Variants in SH2D3C observed in about 807,000 individuals in gnomAD.
SH2D3C encodes SH2 domain-containing protein 3C.
SH2D3C carries 25 observed loss-of-function variants against 75.2 expected under a neutral mutation model. That is an observed-to-expected ratio of 0.33 (90% CI 0.24 to 0.46). The LOEUF is 0.46. Among genes scored for constraint, SH2D3C ranks in the 20% least tolerant of loss-of-function variants. The pLI, the probability that SH2D3C is intolerant of heterozygous loss-of-function variation, is 1.00. For missense variants in SH2D3C, 933 were observed against 1,165.3 expected (o/e 0.80, Z 2.90); for synonymous variants, 450 against 473.7 (o/e 0.95, Z 0.65).
chr9:127,750,936 C>T (rs1326951870), intron 4 of SH2D3C, among the ~76,000 whole-genome samples: 1 of 152,232 alleles, frequency 6.6e-6, no homozygotes, highest in Non-Finnish European at 1.5e-5. Flanking sequence ...TGCATTATTT[C>T]GTTTAATTTT....
In SH2D3C at chr9:127,741,940, T is replaced by C; in HGVS notation, c.1936A>G (p.Met646Val). The change falls in exon 9 of 12, where the codon ATG becomes GTG. Residue 646 changes from methionine (M) to valine (V), a missense_variant. Physicochemically the swap from Met to Val is conservative, Grantham distance 21. Coordinates refer to ENST00000314830, the MANE Select transcript of SH2D3C (RefSeq NM_170600.3). ...CAGCCCAGGATGTCCACGGCCAGCATGATGGACATGGTGTGGAACCTGTCA... is the reference window on the plus strand; with the variant it reads ...CAGCCCAGGATGTCCACGGCCAGCACGATGGACATGGTGTGGAACCTGTCA... ...LLERFHTMSI[M>V]LAVDILGCTG... The C allele has an allele frequency of 6.2e-7, 1 of 1,612,504 alleles. No homozygotes were observed. The highest frequency in any genetic ancestry group is 8.5e-7 in the Non-Finnish European group (1 of 1,179,816).
rs758285550 is a variant in SH2D3C, at chr9:127,771,273, C to G, written c.515+2717G>C. 29 of 1,527,874 alleles carry G rather than the reference C, an allele frequency of 1.9e-5. No homozygotes were observed. The South Asian group carries it at 3.1e-4, about 16-fold the overall frequency. The allele number at this position is 1,527,874 out of a possible 1,614,324, so 94.6% of individuals were successfully genotyped here. ...GCCGGCAACCCGGGGACCTCCTAAA[C>G]CCAGCGGCTCCTGCCTTTCTCGGGC... On this transcript the variant is annotated intron_variant, in intron 2 of 11. Transcript: ENST00000314830.
chr9:127,760,947 C>G (rs1588515634), intron 3 of SH2D3C, among the ~76,000 whole-genome samples: 1 of 152,226 alleles, frequency 6.6e-6, no homozygotes, highest in Middle Eastern at 3.4e-3. Flanking sequence ...TCAAGCGATT[C>G]TCCTGCCTCA....
rs576563027 is a variant in SH2D3C, at chr9:127,773,905, G to A, written c.515+85C>T. The stretch of plus-strand genomic sequence containing the variant: ...TGCACTCCAGCCTGAGAGACAGAGC[G>A]ACACTCTGTGTCAAAAAAAAAAAAA... On this transcript the variant is annotated intron_variant, in intron 2 of 11. Coordinates refer to ENST00000314830, the MANE Select transcript of SH2D3C (RefSeq NM_170600.3). 2.9e-4 allele frequency: 231 copies of A among 785,574 alleles called. 2 individuals are homozygous for A. In the East Asian group the frequency reaches 5.7e-3, roughly 19 times the overall value. 48.7% of individuals were successfully genotyped at this position (785,574 alleles called of 1,614,324 possible). A position where few individuals can be genotyped will look rare whatever the true frequency, so the allele number is the denominator to read the frequency against.
Position 127,754,909 on chromosome 9 carries a change from A to G in SH2D3C, c.556-3609T>C. On this transcript the variant is annotated intron_variant, in intron 3 of 11. Coordinates refer to ENST00000314830, the MANE Select transcript of SH2D3C (RefSeq NM_170600.3). The surrounding 1 kb of genome is among the most constrained non-coding windows in gnomAD (Gnocchi z 4.4). ...CCCCGCGGAGCGCCTGGGCGCCCAG[A>G]GGTGAGGCTGGGGTGACCCCGCCCC... 1 of 515,026 alleles carries G rather than the reference A, an allele frequency of 1.9e-6. No individual in the cohort carries two copies. Among genetic ancestry groups the G allele is most frequent in the Non-Finnish European group, 3.9e-6 (1 of 259,266 alleles). The allele number at this position is 515,026 out of a possible 1,614,324, so 31.9% of individuals were successfully genotyped here.
rs1469399235 is a variant in SH2D3C, at chr9:127,778,466, C to T, written c.37+125G>A. 4 of 877,880 alleles carry T rather than the reference C, an allele frequency of 4.6e-6. No homozygotes were observed. The South Asian group carries it at 5.4e-5, about 12-fold the overall frequency. 54.4% of individuals were successfully genotyped at this position (877,880 alleles called of 1,614,324 possible). Reference sequence around the variant, plus strand: ...GACGCTGGTGTCCAAAAGCAAAAAACAAAAAAAGAAAAAGAGTGAGAGAGA... The same window carrying T: ...GACGCTGGTGTCCAAAAGCAAAAAATAAAAAAAGAAAAAGAGTGAGAGAGA... On this transcript the variant is annotated intron_variant, in intron 1 of 11. Coordinates refer to ENST00000314830, the MANE Select transcript of SH2D3C (RefSeq NM_170600.3).
At chr9:127,750,321 A>C (rs1160411135) in intron 4 of SH2D3C, among the ~76,000 whole-genome samples, 1 of 151,774 alleles carries the variant, frequency 6.6e-6, no homozygotes, top group Admixed American at 6.6e-5. Flanking sequence ...TGCCTGGCTA[A>C]TTTTCGTATT....
At chr9:127,756,700 A>G (rs542579235) in intron 3 of SH2D3C, among the ~76,000 whole-genome samples, 1 of 135,178 alleles carries the variant, frequency 7.4e-6, no homozygotes, top group Non-Finnish European at 1.5e-5. Context: ...GCTGGAGTGC[A>G]GTGGCAATAT....
rs756334099 is a variant in SH2D3C, at chr9:127,754,812, C to T, written c.556-3512G>A. 3.9e-5 allele frequency: 19 copies of T among 484,630 alleles called. No individual in the cohort carries two copies. Among genetic ancestry groups the T allele is most frequent in the Middle Eastern group, 3.2e-4 (1 of 3,120 alleles). The allele number at this position is 484,630 out of a possible 1,614,324, so 30.0% of individuals were successfully genotyped here. On this transcript the variant is annotated intron_variant, in intron 3 of 11. Coordinates refer to ENST00000314830, the MANE Select transcript of SH2D3C (RefSeq NM_170600.3). The surrounding 1 kb of genome is among the most constrained non-coding windows in gnomAD (Gnocchi z 4.4). Reference sequence around the variant, plus strand: ...TCCCCCCTGCCCCAGCTCTCTCCCTCCTGCGGAGGAGGCAGAAACGGACCG... The same window carrying T: ...TCCCCCCTGCCCCAGCTCTCTCCCTTCTGCGGAGGAGGCAGAAACGGACCG...
intron 7 of SH2D3C, 45 bp from the exon 8 acceptor site, chr9:127,743,009 G>T: frequency 2.0e-6 from 3 of 1,469,552 alleles, no homozygotes; most frequent in Non-Finnish European, 2.8e-6. Context: ...GTCAGGGCTG[G>T]CCCCAGCCAT....
At chr9:127,762,308 C>A in intron 2 of SH2D3C, 2 of 1,293,188 alleles carry the variant, frequency 1.5e-6, no homozygotes, top group Non-Finnish European at 1.0e-6. Flanking sequence ...AACCACTCCC[C>A]CCACCGCATG....
intron 5 of SH2D3C, among the ~76,000 whole-genome samples, chr9:127,748,967 T>C (rs1040825964): frequency 2.6e-5 from 4 of 151,908 alleles, no homozygotes; most frequent in African/African-American, 9.7e-5. Flanking sequence ...AGAGGAGAGG[T>C]GACAGGGTCA....
rs149849492 is a variant in SH2D3C at position 127,747,701 on chromosome 9, G to A, written c.1140-430C>T. Among the ~76,000 whole-genome samples the A allele has an allele frequency of 2.0e-4, 30 of 152,134 alleles. No individual in the cohort carries two copies. In the East Asian group the frequency reaches 4.8e-3, roughly 25 times the overall value. ...TTACAGGTGCCCGTTACCAAGCGTG[G>A]CTAATTTTTTGTATTTTTAGTAGAG... On this transcript the variant is annotated intron_variant, in intron 5 of 11. Coordinates refer to ENST00000314830, the MANE Select transcript of SH2D3C (RefSeq NM_170600.3).
At chr9:127,748,100 C>T (rs1044252573) in intron 5 of SH2D3C, among the ~76,000 whole-genome samples, 8 of 152,222 alleles carry the variant, frequency 5.3e-5, no homozygotes, top group Non-Finnish European at 1.0e-4. Flanking sequence ...TGGGCAGACA[C>T]GGCCCCTCAC....
chr9:127,777,449 T>A (rs1170083906), intron 1 of SH2D3C, among the ~76,000 whole-genome samples: 3 of 129,646 alleles, frequency 2.3e-5, no homozygotes, highest in African/African-American at 8.4e-5. Context: ...TGGGATCCCA[T>A]GATGCCCCCA....
At chr9:127,777,588 CTGAGATCCCATG>C (rs1829046448) in intron 1 of SH2D3C, among the ~76,000 whole-genome samples, 1 of 152,030 alleles carries the variant, frequency 6.6e-6, no homozygotes, top group Non-Finnish European at 1.5e-5. Context: ...AACTCCCCAC[CTGAGATCCCATG>C]TGAGCCCAGG....
chr9:127,751,352 T>C lies in SH2D3C; in HGVS notation c.556-52A>G, dbSNP rs763986817. 1.6e-5 allele frequency: 25 copies of C among 1,583,144 alleles called. 1 individual carries two copies. The South Asian group carries it at 2.8e-4, about 18-fold the overall frequency. The stretch of plus-strand genomic sequence containing the variant: ...ATCCAACTTAAAGTCTCCTTCTTCT[T>C]TCCCTCCCAACTTCATTCTACCATG... On this transcript the variant is annotated intron_variant, in intron 3 of 11. Transcript: ENST00000314830. This position sits in a 1 kb window ranked among gnomAD's most constrained non-coding sequence, Gnocchi z 4.1.
In SH2D3C at chr9:127,739,864, G is replaced by A. The variant is rs773135283; in HGVS notation, c.2225C>T (p.Thr742Met). 21 of 1,553,972 alleles carry A rather than the reference G, an allele frequency of 1.4e-5. No individual in the cohort carries two copies. The highest frequency in any genetic ancestry group is 1.7e-5 in the Non-Finnish European group (19 of 1,145,520). ...GKEGPPLSNT[T>M]FPHVLPLITL... is the part of the protein sequence containing the mutation. ...GATGAGGGGCAGCACATGAGGAAACGTGGTGTTGCTCAGCGGCGGGCCTTC... is the reference window on the plus strand; with the variant it reads ...GATGAGGGGCAGCACATGAGGAAACATGGTGTTGCTCAGCGGCGGGCCTTC... Residue 742 changes from threonine to methionine, a missense_variant, in exon 11 of 12, where the codon ACG (threonine) becomes ATG (methionine). Coordinates refer to ENST00000314830, the MANE Select transcript of SH2D3C (RefSeq NM_170600.3). This position sits in a 1 kb window ranked among gnomAD's most constrained non-coding sequence, Gnocchi z 4.3.
chr9:127,740,514 T>C (rs1844823965), intron 9 of SH2D3C, 145 bp from the exon 10 acceptor site: 2 of 604,208 alleles, frequency 3.3e-6, no homozygotes, highest in African/African-American at 1.9e-5. Context: ...ATGACTACTT[T>C]TCATGTCTAC....
Sources: gnomAD v4.1 joint callset for allele counts (sites outside exome capture counted in the v4.1 genomes callset) on GRCh38, gnomAD v4.1.1 for gene constraint, Gnocchi (gnomAD v3.1) non-coding constraint, MANE v1.5 for transcripts, NCBI Gene and HGNC (gene_info 2026-07-23, HGNC 2026-07-21) for gene names.